The following SLC14A2 variants were observed in gnomAD, a reference collection of about 807,000 sequenced individuals.
SLC14A2 encodes the protein solute carrier family 14 member 2, also known as urea transporter 2.
SLC14A2 carries 91 observed loss-of-function variants against 104.6 expected under a neutral mutation model. The observed-to-expected ratio is 0.87, with a 90% CI of 0.73 to 1.04. The LOEUF (loss-of-function observed/expected upper bound fraction) is 1.04. SLC14A2 is among the 50% of genes least tolerant of loss of function. SLC14A2 has a pLI of 0.00. For synonymous variants in SLC14A2, 476 were observed against 466.4 expected, an observed-to-expected ratio of 1.02 and a Z score of -0.27; for missense variants, 1,189 against 1,156.0, an observed-to-expected ratio of 1.03 and a Z score of -0.41.
chr18:45,202,924 G>A, the SLC14A2 span, among the ~76,000 whole-genome samples: 7 of 152,228 alleles, frequency 4.6e-5, no homozygotes, highest in South Asian at 6.2e-4. Context: ...AGAAAAAAAA[G>A]GAGGAAACCA....
intron 1 of SLC14A2, among the ~76,000 whole-genome samples, chr18:45,382,223 A>G (rs61687273): frequency 0.1 from 15,280 of 152,198 alleles, 1,534 homozygotes; most frequent in African/African-American, 0.26. Flanking sequence ...TTCTCAGAGT[A>G]TGCTTAAGTT....
intron 4 of SLC14A2, among the ~76,000 whole-genome samples, chr18:45,629,307 T>G (rs779638855): frequency 6.6e-6 from 1 of 152,154 alleles, no homozygotes; most frequent in African/African-American, 2.4e-5. Flanking sequence ...CAAAGTCAGA[T>G]GGATGAGAGG....
intron 12 of SLC14A2, 31 bp from the exon 13 acceptor site, chr18:45,666,904 G>A (rs1268376284): frequency 6.2e-7 from 1 of 1,601,290 alleles, no homozygotes; most frequent in Non-Finnish European, 8.5e-7. Flanking sequence ...ACCGAATGTG[G>A]GAGACTCTTG....
chr18:45,548,495 C>T lies in SLC14A2; in HGVS notation c.-35+65173C>T, dbSNP rs182905747. 8.5e-5 allele frequency among the ~76,000 whole-genome samples: 13 copies of T among 152,212 alleles called. No homozygotes were observed. The South Asian group carries it at 1.2e-3, about 15-fold the overall frequency. ...GAAGCAGGTGGATTACTTGAGTGCA[C>T]GAGTTTGAGACCAGGCTGGGCAACA... On this transcript the variant is annotated intron_variant, in intron 2 of 20. Transcript: ENST00000586448.
At chr18:45,230,755 A>T (rs1357402080) in intron 1 of SLC14A2, among the ~76,000 whole-genome samples, 2 of 152,192 alleles carry the variant, frequency 1.3e-5, no homozygotes, top group South Asian at 4.1e-4. Context: ...TGGCATAAAA[A>T]TGCTTTTAAG....
chr18:45,536,536 G>C (rs952438639), intron 2 of SLC14A2, among the ~76,000 whole-genome samples: 1 of 152,122 alleles, frequency 6.6e-6, no homozygotes, highest in Non-Finnish European at 1.5e-5. Context: ...CCTTCTCTGT[G>C]TGTGTCTCTT....
At chr18:45,450,034 A>T (rs1411504752) in intron 1 of SLC14A2, among the ~76,000 whole-genome samples, 1 of 152,194 alleles carries the variant, frequency 6.6e-6, no homozygotes, top group Non-Finnish European at 1.5e-5. Context: ...CTATGGTCAG[A>T]CTGTCTGCTA....
intron 1 of SLC14A2, among the ~76,000 whole-genome samples, chr18:45,462,226 C>T (rs1329345789): frequency 6.6e-6 from 1 of 152,160 alleles, no homozygotes; most frequent in Non-Finnish European, 1.5e-5. Flanking sequence ...TTCTGTTGAA[C>T]TACAGGGAAT....
intron 2 of SLC14A2, among the ~76,000 whole-genome samples, chr18:45,577,644 G>A (rs1401805281): frequency 1.3e-5 from 2 of 152,140 alleles, no homozygotes; most frequent in African/African-American, 4.8e-5. Context: ...GCTAGACAGG[G>A]TGATACTGTT....
intron 1 of SLC14A2, among the ~76,000 whole-genome samples, chr18:45,215,903 A>G (rs1316849119): frequency 6.6e-6 from 1 of 152,048 alleles, no homozygotes; most frequent in African/African-American, 2.4e-5. Flanking sequence ...AGAGGCAGGG[A>G]AGAAACGAAA....
intron 1 of SLC14A2, among the ~76,000 whole-genome samples, chr18:45,410,686 G>A (rs550691687): frequency 6.6e-6 from 1 of 152,214 alleles, no homozygotes; most frequent in African/African-American, 2.4e-5. Flanking sequence ...TCCCTAAAAT[G>A]TATTTGTGAC....
chr18:45,567,341 A>G (rs1176438508), intron 2 of SLC14A2, among the ~76,000 whole-genome samples: 1 of 152,102 alleles, frequency 6.6e-6, no homozygotes, highest in Non-Finnish European at 1.5e-5. Flanking sequence ...GAGTGTGGAA[A>G]CTTCCACTGG....
intron 1 of SLC14A2, among the ~76,000 whole-genome samples, chr18:45,222,378 T>C (rs565510791): frequency 6.6e-6 from 1 of 152,322 alleles, no homozygotes; most frequent in South Asian, 2.1e-4. Flanking sequence ...CATGAAGAAC[T>C]GCAGACTAAT....
chr18:45,380,292 C>G (rs1568174605), intron 1 of SLC14A2, among the ~76,000 whole-genome samples: 2 of 152,104 alleles, frequency 1.3e-5, no homozygotes, highest in Non-Finnish European at 2.9e-5. Flanking sequence ...AGCCAAAGAC[C>G]ATCAGGAAAA....
chr18:45,206,950 C>T, the SLC14A2 span, among the ~76,000 whole-genome samples: 1 of 152,202 alleles, frequency 6.6e-6, no homozygotes, highest in African/African-American at 2.4e-5. Flanking sequence ...AATTCTCATC[C>T]TATCAGAGAA....
intron 1 of SLC14A2, among the ~76,000 whole-genome samples, chr18:45,289,437 T>G (rs535891334): frequency 6.6e-6 from 1 of 152,032 alleles, no homozygotes; most frequent in South Asian, 2.1e-4. Context: ...GGGATTTCCA[T>G]GAAACAAAAA....
chr18:45,349,036 T>C (rs2085476400), intron 1 of SLC14A2, among the ~76,000 whole-genome samples: 1 of 152,216 alleles, frequency 6.6e-6, no homozygotes, highest in African/African-American at 2.4e-5. Context: ...GAGGAAAGTG[T>C]TGGACGTGCA....
chr18:45,283,690 C>T (rs1484392201), intron 1 of SLC14A2, among the ~76,000 whole-genome samples: 1 of 152,208 alleles, frequency 6.6e-6, no homozygotes, highest in African/African-American at 2.4e-5. Context: ...CTTCCTCTTT[C>T]AATTCTGAGT....
chr18:45,215,837 A>G (rs541860452), intron 1 of SLC14A2, among the ~76,000 whole-genome samples: 15 of 150,170 alleles, frequency 1.0e-4, no homozygotes, highest in African/African-American at 3.2e-4. Context: ...GATTTCTATA[A>G]TGGTATTTTT....
Sources: gnomAD v4.1 joint callset for allele counts (sites outside exome capture counted in the v4.1 genomes callset) on GRCh38, gnomAD v4.1.1 for gene constraint, MANE v1.5 for transcripts, NCBI Gene and HGNC (gene_info 2026-07-23, HGNC 2026-07-21) for gene names.